SPARC: variants seen among roughly 807,000 people sequenced by gnomAD.
SPARC encodes secreted protein acidic and cysteine rich.
SPARC carries 23 observed loss-of-function variants against 37.7 expected under a neutral mutation model. That is an observed-to-expected ratio of 0.61 (90% CI 0.44 to 0.87). The LOEUF (loss-of-function observed/expected upper bound fraction) is 0.87, where lower values mean the gene tolerates loss of function less well. Ranked by LOEUF, SPARC falls within the 40% of genes least tolerant of loss-of-function variation. The pLI is 0.00. For missense variants in SPARC, 312 were observed against 389.0 expected (o/e 0.80, Z 1.66); for synonymous variants, 155 against 150.8 (o/e 1.03, Z -0.20).
At chr5:151,674,227 G>C (rs1760809518) in intron 3 of SPARC, among the ~76,000 whole-genome samples, 1 of 151,946 alleles carries the variant, frequency 6.6e-6, no homozygotes, top group South Asian at 2.1e-4. Context: ...TGGCCACACT[G>C]GTCTTGAACT....
At chr5:151,679,307 A>T (rs547919172) in intron 1 of SPARC, 1 of 152,250 alleles carries the variant, frequency 6.6e-6, no homozygotes, top group Non-Finnish European at 1.5e-5. Context: ...GGCCTAGAGG[A>T]AAGGAGAAAA....
intron 1 of SPARC, chr5:151,679,801 G>T (rs1416027258): frequency 6.6e-6 from 1 of 152,204 alleles, no homozygotes; most frequent in Non-Finnish European, 1.5e-5. Context: ...GCTCTCCTTG[G>T]ACGTTAAAAA....
intron 1 of SPARC, among the ~76,000 whole-genome samples, chr5:151,680,191 T>C (rs938277600): frequency 6.7e-6 from 1 of 149,628 alleles, no homozygotes; most frequent in Non-Finnish European, 1.5e-5. Context: ...GTTGAAATAC[T>C]GCAATAGAGA....
intron 1 of SPARC, 113 bp from the exon 2 acceptor site, chr5:151,676,314 G>C (rs910875686): frequency 4.3e-6 from 3 of 696,296 alleles, no homozygotes; most frequent in African/African-American, 3.6e-5. Flanking sequence ...TTAAATGATA[G>C]TGAAAAACAT....
intron 8 of SPARC, among the ~76,000 whole-genome samples, chr5:151,665,097 T>C (rs1362784751): frequency 6.6e-6 from 1 of 152,118 alleles, no homozygotes; most frequent in Non-Finnish European, 1.5e-5. Flanking sequence ...CTCCCCTTCA[T>C]TGTACTGGTG....
At chr5:151,663,941 G>T in intron 9 of SPARC, 146 bp downstream of exon 9, 1 of 923,720 alleles carries the variant, frequency 1.1e-6, no homozygotes, top group South Asian at 1.5e-5. Context: ...CAAGAGACAG[G>T]AGTCAAATAG....
intron 3 of SPARC, among the ~76,000 whole-genome samples, chr5:151,673,966 CTGTGTGTGTGTGTGTGTGTGTG>C (rs3138755): frequency 7.1e-6 from 1 of 141,756 alleles, no homozygotes; most frequent in African/African-American, 2.6e-5. Context: ...CCCCTTTCCT[CTGTGTGTGTGTGTGTGTGTGTG>C]TGTGTGTGTG....
chr5:151,664,546 G>A (rs780879511), intron 8 of SPARC, among the ~76,000 whole-genome samples: 5 of 152,308 alleles, frequency 3.3e-5, no homozygotes, highest in African/African-American at 4.8e-5. Flanking sequence ...TGGTGTATTT[G>A]ATTGTTTCCT....
At chr5:151,670,988 G>A (rs1220778603) in intron 5 of SPARC, among the ~76,000 whole-genome samples, 1 of 152,198 alleles carries the variant, frequency 6.6e-6, no homozygotes, top group Non-Finnish European at 1.5e-5. Context: ...GTAGGCAGGA[G>A]CAGGCACTCA....
intron 1 of SPARC, among the ~76,000 whole-genome samples, chr5:151,680,750 G>A (rs1760970038): frequency 1.3e-5 from 2 of 152,172 alleles, no homozygotes; most frequent in African/African-American, 4.8e-5. Context: ...TCCCCAATGT[G>A]TAAAATGGAA....
chr5:151,663,859 T>C (rs535927074), intron 9 of SPARC, among the ~76,000 whole-genome samples: 9 of 152,022 alleles, frequency 5.9e-5, no homozygotes, highest in African/African-American at 2.2e-4. Flanking sequence ...TTAGCACGGG[T>C]GAGTGCTAAC....
Position 151,676,044 on chromosome 5 carries a change from C to T in SPARC, c.57+88G>A, listed in dbSNP as rs146634871. On this transcript the variant is annotated intron_variant, in intron 2 of 9. Coordinates refer to ENST00000231061, the MANE Select transcript of SPARC (RefSeq NM_003118.4). Reference sequence around the variant, plus strand: ...ACTTGAAATGGGGAAGTCCCTGTTCCCTTTCAGCATCCAGGGCTGGCAGGC... The same window carrying T: ...ACTTGAAATGGGGAAGTCCCTGTTCTCTTTCAGCATCCAGGGCTGGCAGGC... 5.3e-5 allele frequency: 57 copies of T among 1,081,378 alleles called. No individual in the cohort carries two copies. The East Asian group carries it at 1.0e-3, about 20-fold the overall frequency. 67.0% of individuals were successfully genotyped at this position (1,081,378 alleles called of 1,614,324 possible). A position where few individuals can be genotyped will look rare whatever the true frequency, so the allele number is the denominator to read the frequency against.
intron 5 of SPARC, among the ~76,000 whole-genome samples, chr5:151,670,214 T>C (rs6861486): frequency 0.64 from 97,075 of 152,142 alleles, 31,419 homozygotes; most frequent in African/African-American, 0.74. Flanking sequence ...GAAACAGTTC[T>C]CTGCACTGTT....
chr5:151,679,126 T>A (rs1300534530), intron 1 of SPARC: 1 of 152,266 alleles, frequency 6.6e-6, no homozygotes, highest in African/African-American at 2.4e-5. Flanking sequence ...GGCGAAAATT[T>A]AAATTCCCTT....
At chr5:151,666,097 C>G (rs1760613130) in intron 8 of SPARC, among the ~76,000 whole-genome samples, 1 of 152,212 alleles carries the variant, frequency 6.6e-6, no homozygotes, top group Admixed American at 6.5e-5. Flanking sequence ...CCTTCATTAT[C>G]CAGATATCCA....
At chr5:151,681,013 C>T (rs1260893528) in intron 1 of SPARC, among the ~76,000 whole-genome samples, 1 of 152,174 alleles carries the variant, frequency 6.6e-6, no homozygotes, top group Non-Finnish European at 1.5e-5. Context: ...GATACAGTGA[C>T]GAAGACCAGG....
intron 6 of SPARC, 91 bp from the exon 7 acceptor site, chr5:151,667,691 T>C (rs1760660757): frequency 1.5e-5 from 21 of 1,431,404 alleles, no homozygotes; most frequent in Admixed American, 6.2e-5. Context: ...ACCACCTGCA[T>C]TGGTGGCCTT....
rs1256203499 is a variant in SPARC, at chr5:151,666,489, A to G, written c.606T>C (p.Asn202=). Residue 202 remains asparagine (N), a synonymous_variant, in exon 8 of 10, where the codon AAT becomes AAC. Coordinates refer to ENST00000231061, the MANE Select transcript of SPARC (RefSeq NM_003118.4). ...GGTCTCCTGCCTCCAGGCGCTTCTC[A>G]TTCTCATGGATCTTCTTCACCTGAG... The part of the protein sequence containing the change: ...QKLRVKKIHE[N]EKRLEAGDHP... 6.2e-7 allele frequency: 1 copy of G among 1,613,832 alleles called. No individual in the cohort carries two copies. The highest frequency in any genetic ancestry group is 8.5e-7 in the Non-Finnish European group (1 of 1,179,790).
chr5:151,673,359 A>T, intron 3 of SPARC, 143 bp from the exon 4 acceptor site: 1 of 685,774 alleles, frequency 1.5e-6, no homozygotes, highest in South Asian at 1.6e-5. Context: ...TGTGTTTTGC[A>T]GTATGCCTGG....
Sources: gnomAD v4.1 joint callset for allele counts (sites outside exome capture counted in the v4.1 genomes callset) on GRCh38, gnomAD v4.1.1 for gene constraint, MANE v1.5 for transcripts, NCBI Gene and HGNC (gene_info 2026-07-23, HGNC 2026-07-21) for gene names.